AVEN: variants seen among roughly 807,000 people sequenced by gnomAD.
The protein encoded by AVEN is cell death regulator Aven.
A neutral mutation model predicts 38.1 loss-of-function variants in AVEN; 41 were observed. The ratio of observed to expected loss-of-function variants is 1.08; its 90% CI spans 0.84 to 1.40. The LOEUF (loss-of-function observed/expected upper bound fraction) is 1.40, where lower values mean the gene tolerates loss of function less well. Ranked by LOEUF, AVEN falls within the 40% of genes most tolerant of loss-of-function variation. The pLI, the probability that AVEN is intolerant of heterozygous loss-of-function variation, is 0.00. For synonymous variants in AVEN, 206 were observed against 171.8 expected (o/e 1.20, Z -1.56); for missense variants, 605 against 438.8 (o/e 1.38, Z -3.38).
chr15:33,958,422 A>G (rs1298428687), intron 2 of AVEN, among the ~76,000 whole-genome samples: 1 of 152,034 alleles, frequency 6.6e-6, no homozygotes, highest in Non-Finnish European at 1.5e-5. Context: ...TCTACTAAAA[A>G]TACAACAACA....
intron 1 of AVEN, among the ~76,000 whole-genome samples, chr15:34,014,165 C>G (rs1353774003): frequency 3.3e-5 from 5 of 152,002 alleles, no homozygotes; most frequent in Non-Finnish European, 7.4e-5. Context: ...GAATTTGAGA[C>G]CAGCCTGGCC....
At chr15:33,887,558 C>T (rs1891754565) in intron 2 of AVEN, among the ~76,000 whole-genome samples, 1 of 152,024 alleles carries the variant, frequency 6.6e-6, no homozygotes, top group South Asian at 2.1e-4. Flanking sequence ...CATTTTAGCA[C>T]AACTATGTGC....
rs1419771617 is a variant in AVEN at position 33,934,224 on chromosome 15, AAT to A, written c.446-58231_446-58230del. Among the ~76,000 whole-genome samples, 4 of 151,550 alleles carry A rather than the reference AAT, an allele frequency of 2.6e-5. No individual in the cohort carries two copies. In the East Asian group the frequency reaches 7.8e-4, roughly 29 times the overall value. On this transcript the variant is annotated intron_variant, in intron 2 of 5. Coordinates refer to ENST00000306730, the MANE Select transcript of AVEN (RefSeq NM_020371.3). ...CCCCATCTCTACAAAAAAAAAAAAAAATTAGCCATATCCATAGTCCCAGCTAC... is the reference window on the plus strand; with the variant it reads ...CCCCATCTCTACAAAAAAAAAAAAAATAGCCATATCCATAGTCCCAGCTAC...
intron 4 of AVEN, chr15:34,064,578 T>C: frequency 2.1e-6 from 1 of 483,378 alleles, no homozygotes; most frequent in Non-Finnish European, 3.8e-6. Flanking sequence ...GATAGGCTCA[T>C]GGCCCTTCAC....
At chr15:33,981,209 T>C (rs563728645) in intron 2 of AVEN, among the ~76,000 whole-genome samples, 2 of 152,340 alleles carry the variant, frequency 1.3e-5, no homozygotes, top group East Asian at 3.9e-4. Flanking sequence ...TCAATTTTCC[T>C]AAAAAATATG....
intron 1 of AVEN, among the ~76,000 whole-genome samples, chr15:34,020,546 C>A (rs1291823790): frequency 6.6e-6 from 1 of 152,152 alleles, no homozygotes; most frequent in Non-Finnish European, 1.5e-5. Flanking sequence ...GCAGAACATC[C>A]CCTCTTCTCA....
At chr15:33,886,341 C>G (rs1170580768) in intron 2 of AVEN, among the ~76,000 whole-genome samples, 1 of 152,096 alleles carries the variant, frequency 6.6e-6, no homozygotes, top group Non-Finnish European at 1.5e-5. Context: ...CTCGCTCTGT[C>G]GCCCAGGCTG....
chr15:33,870,212 G>T (rs1346837646), intron 4 of AVEN, among the ~76,000 whole-genome samples: 2 of 152,038 alleles, frequency 1.3e-5, no homozygotes, highest in African/African-American at 4.8e-5. Context: ...TGTAGTCCAA[G>T]CTACAGTACT....
chr15:34,023,311 A>G (rs1898293549), intron 1 of AVEN, among the ~76,000 whole-genome samples: 1 of 152,182 alleles, frequency 6.6e-6, no homozygotes, highest in African/African-American at 2.4e-5. Context: ...TAATCTGCCC[A>G]CTGAGTTTGG....
intron 5 of AVEN, among the ~76,000 whole-genome samples, chr15:34,059,975 G>T (rs547537697): frequency 6.6e-6 from 1 of 151,400 alleles, no homozygotes; most frequent in East Asian, 2.0e-4. Context: ...TATTTAAGAG[G>T]GGCAGGAGAG....
upstream of AVEN, among the ~76,000 whole-genome samples, chr15:34,044,048 T>G (rs1899589605): frequency 6.6e-6 from 1 of 151,914 alleles, no homozygotes; most frequent in Non-Finnish European, 1.5e-5. Context: ...TAATGAATCA[T>G]TCACATTAGC....
chr15:33,888,069 C>T (rs181791658), intron 2 of AVEN, among the ~76,000 whole-genome samples: 51 of 151,946 alleles, frequency 3.4e-4, no homozygotes, highest in Admixed American at 3.0e-3. Context: ...GTAACCCCTC[C>T]GTGACAGCAA....
chr15:34,053,242 G>T (rs1952998111), intron 5 of AVEN, among the ~76,000 whole-genome samples: 2 of 141,680 alleles, frequency 1.4e-5, no homozygotes, highest in South Asian at 4.5e-4. Flanking sequence ...AGAGGTTGCA[G>T]TGAGCCAAGA....
downstream of AVEN, chr15:33,864,984 G>C (rs78729118): frequency 6.8e-5 from 41 of 601,424 alleles, 1 homozygote; most frequent in East Asian, 1.1e-3. Flanking sequence ...GCCTGTGCTG[G>C]GAATAGAGCA....
chr15:34,020,043 G>A (rs1454023765), intron 1 of AVEN, among the ~76,000 whole-genome samples: 1 of 152,182 alleles, frequency 6.6e-6, no homozygotes, highest in Admixed American at 6.5e-5. Flanking sequence ...TGGGCGCAGT[G>A]GTTCACACCT....
In AVEN at chr15:33,912,372, T is replaced by C. The variant is rs547697190; in HGVS notation, c.446-36377A>G. Among the ~76,000 whole-genome samples, 78 of 152,312 alleles carry C rather than the reference T, an allele frequency of 5.1e-4. No homozygotes were observed. The South Asian group carries it at 5.4e-3, about 11-fold the overall frequency. ...TTAAAAAATTATCAGTTATGGAACA[T>C]TTAAACATGGAGACAAGTTCTAAGA... On this transcript the variant is annotated intron_variant, in intron 2 of 5. Coordinates refer to ENST00000306730, the MANE Select transcript of AVEN (RefSeq NM_020371.3).
At chr15:33,857,641 T>C, downstream of AVEN, 2 of 1,011,122 alleles carry the variant, frequency 2.0e-6, no homozygotes, top group Non-Finnish European at 1.5e-6. Flanking sequence ...ATAGCTTTCT[T>C]AGCCGCCCTC....
intron 2 of AVEN, among the ~76,000 whole-genome samples, chr15:34,068,355 G>A (rs569629723): frequency 1.3e-5 from 2 of 151,546 alleles, no homozygotes; most frequent in Admixed American, 6.6e-5. Flanking sequence ...ACAGACGCAC[G>A]CCACCACGCC....
chr15:34,003,268 T>C, intron 1 of AVEN, 59 bp from the exon 2 acceptor site: 1 of 1,524,672 alleles, frequency 6.6e-7, no homozygotes, highest in South Asian at 1.2e-5. Flanking sequence ...CTTAGTAGAC[T>C]TCCCAGTAAA....
Sources: allele counts gnomAD v4.1 joint callset (sites outside exome capture counted in the v4.1 genomes callset), GRCh38; gene constraint gnomAD v4.1.1; transcripts MANE v1.5; gene names NCBI Gene and HGNC (gene_info 2026-07-23, HGNC 2026-07-21).